Variants in CYRIB observed in about 807,000 individuals in gnomAD.
The protein encoded by CYRIB is CYFIP-related Rac1 interactor B.
Under a neutral mutation model 44.2 loss-of-function variants are expected in CYRIB, and 8 were observed. The observed-to-expected ratio is 0.18, with a 90% CI of 0.11 to 0.33. The LOEUF is 0.33. Ranked by LOEUF, CYRIB falls within the 10% of genes least tolerant of loss-of-function variation. CYRIB has a pLI of 1.00. For synonymous variants in CYRIB, 131 were observed against 127.2 expected, an observed-to-expected ratio of 1.03 and a Z score of -0.20; for missense variants, 185 against 382.8, an observed-to-expected ratio of 0.48 and a Z score of 4.31.
intron 2 of CYRIB, among the ~76,000 whole-genome samples, chr8:129,954,134 T>C (rs942886141): frequency 6.6e-6 from 1 of 152,122 alleles, no homozygotes; most frequent in African/African-American, 2.4e-5. Flanking sequence ...AAGGGGAGAA[T>C]GTTACCTTGC....
intron 1 of CYRIB, among the ~76,000 whole-genome samples, chr8:129,909,324 C>T (rs1235354240): frequency 6.6e-6 from 1 of 152,086 alleles, no homozygotes; most frequent in African/African-American, 2.4e-5. Context: ...GCTCACTACA[C>T]AAAATACATA....
intron 1 of CYRIB, among the ~76,000 whole-genome samples, chr8:130,012,208 A>T (rs1049737148): frequency 7.2e-5 from 11 of 152,214 alleles, no homozygotes; most frequent in Admixed American, 2.0e-4. Context: ...GAAGGAAAAA[A>T]AAAATCAATG....
At chr8:130,000,502 G>A (rs1373065356) in intron 1 of CYRIB, among the ~76,000 whole-genome samples, 1 of 151,960 alleles carries the variant, frequency 6.6e-6, no homozygotes, top group East Asian at 1.9e-4. Flanking sequence ...AGACCAGCCT[G>A]GCCAACACAG....
At chr8:129,897,063 C>G (rs1391653094) in intron 2 of CYRIB, among the ~76,000 whole-genome samples, 2 of 152,174 alleles carry the variant, frequency 1.3e-5, no homozygotes, top group African/African-American at 4.8e-5. Flanking sequence ...ACTATAGTCA[C>G]TGTGAAGAGT....
chr8:129,875,838 G>A lies in CYRIB; in HGVS notation c.73+3551C>T, dbSNP rs1292125720. The stretch of plus-strand genomic sequence containing the variant: ...CAGAAAGTCTTCCATGATGGGCCAG[G>A]TGTGGTGGCCCACACCTGTAATCCC... On this transcript the variant is annotated intron_variant, in intron 3 of 11. Coordinates refer to ENST00000519824, the Ensembl canonical transcript of CYRIB. Among the ~76,000 whole-genome samples, 4 of 152,188 alleles carry A rather than the reference G, an allele frequency of 2.6e-5. No homozygotes were observed. In the South Asian group the frequency reaches 8.3e-4, roughly 32 times the overall value.
At chr8:129,998,555 C>T (rs2096834159) in intron 1 of CYRIB, among the ~76,000 whole-genome samples, 2 of 152,056 alleles carry the variant, frequency 1.3e-5, no homozygotes, top group African/African-American at 4.8e-5. Context: ...TTAAGCACTG[C>T]TGACGAAATT....
intron 2 of CYRIB, among the ~76,000 whole-genome samples, chr8:129,965,518 C>T (rs557376957): frequency 3.9e-5 from 6 of 152,166 alleles, no homozygotes; most frequent in Non-Finnish European, 7.4e-5. Context: ...ACATTCAGGC[C>T]GGGCGCGGTG....
At chr8:129,985,411 C>T (rs569674275) in intron 1 of CYRIB, among the ~76,000 whole-genome samples, 1 of 152,244 alleles carries the variant, frequency 6.6e-6, no homozygotes, top group South Asian at 2.1e-4. Context: ...TTGAAATTCC[C>T]CAGGCTCCAT....
intron 2 of CYRIB, among the ~76,000 whole-genome samples, chr8:129,961,214 G>A (rs559808722): frequency 2.0e-5 from 3 of 152,298 alleles, no homozygotes; most frequent in South Asian, 2.1e-4. Context: ...GAACCAGGGG[G>A]AGGTCTCATT....
chr8:129,909,276 C>T (rs966142215), intron 1 of CYRIB, among the ~76,000 whole-genome samples: 1 of 152,026 alleles, frequency 6.6e-6, no homozygotes, highest in African/African-American at 2.4e-5. Flanking sequence ...AAAGTTTTTA[C>T]AATCTTAATT....
At chr8:130,003,303 C>T (rs962709245) in intron 1 of CYRIB, among the ~76,000 whole-genome samples, 2 of 152,146 alleles carry the variant, frequency 1.3e-5, no homozygotes, top group African/African-American at 4.8e-5. Flanking sequence ...AGGAAAGATT[C>T]CCAAAGTGGG....
chr8:129,955,238 AC>A (rs1339225343), intron 2 of CYRIB, among the ~76,000 whole-genome samples: 2 of 140,090 alleles, frequency 1.4e-5, no homozygotes. Context: ...GGGTGACAGA[AC>A]AAAACTCCGT....
At chr8:129,977,595 G>A (rs1476118279) in intron 1 of CYRIB, among the ~76,000 whole-genome samples, 2 of 150,480 alleles carry the variant, frequency 1.3e-5, no homozygotes, top group South Asian at 2.1e-4. Context: ...GCAGTGGAGC[G>A]ATCTCGGCTC....
chr8:129,943,104 T>C (rs1189573490), upstream of CYRIB, among the ~76,000 whole-genome samples: 1 of 67,124 alleles, frequency 1.5e-5, no homozygotes, highest in African/African-American at 1.3e-4. Context: ...CCCCGCACTG[T>C]GTCCTAGGCA....
At chr8:129,991,907 C>T (rs746941374) in intron 1 of CYRIB, among the ~76,000 whole-genome samples, 28 of 138,372 alleles carry the variant, frequency 2.0e-4, no homozygotes, top group Non-Finnish European at 2.9e-4. Flanking sequence ...GCTGAGATTG[C>T]GCCACTGCAC....
intron 5 of CYRIB, among the ~76,000 whole-genome samples, chr8:129,860,550 T>C (rs1203050136): frequency 6.6e-6 from 1 of 152,198 alleles, no homozygotes; most frequent in Non-Finnish European, 1.5e-5. Flanking sequence ...TTATACAATA[T>C]TTCTATCCAA....
intron 8 of CYRIB, 117 bp downstream of exon 10, chr8:129,852,045 T>G: frequency 5.5e-6 from 3 of 544,936 alleles, no homozygotes; most frequent in Admixed American, 3.5e-5. Context: ...ACTCAACACA[T>G]ACATCTGGGA....
At chr8:129,863,563 C>T (rs1316611904) in intron 4 of CYRIB, among the ~76,000 whole-genome samples, 1 of 151,186 alleles carries the variant, frequency 6.6e-6, no homozygotes, top group Non-Finnish European at 1.5e-5. Context: ...GAAGAATTGT[C>T]ACAGATACTT....
intron 1 of CYRIB, among the ~76,000 whole-genome samples, chr8:130,006,663 T>TATATATATAC (rs1564801352): frequency 4.3e-5 from 5 of 116,512 alleles, no homozygotes; most frequent in African/African-American, 9.4e-5. Context: ...TATATATATG[T>TATATATATAC]ATATATATAT....
Sources: gnomAD v4.1 joint callset for allele counts (sites outside exome capture counted in the v4.1 genomes callset) on GRCh38, gnomAD v4.1.1 for gene constraint, MANE v1.5 for transcripts, NCBI Gene and HGNC (gene_info 2026-07-23, HGNC 2026-07-21) for gene names.